ZMAT4: variants seen among roughly 807,000 people sequenced by gnomAD.
ZMAT4 encodes the protein zinc finger matrin-type 4, also known as zinc finger matrin-type protein 4.
A neutral mutation model predicts 28.7 loss-of-function variants in ZMAT4; 17 were observed. That is an observed-to-expected ratio of 0.59 (90% CI 0.41 to 0.89). The LOEUF (loss-of-function observed/expected upper bound fraction) is 0.89, where lower values mean the gene tolerates loss of function less well. ZMAT4 is among the 40% of genes least tolerant of loss of function. ZMAT4 has a pLI of 0.00. For synonymous variants in ZMAT4, 117 were observed against 109.2 expected, an observed-to-expected ratio of 1.07 and a Z score of -0.44; for missense variants, 240 against 283.8, an observed-to-expected ratio of 0.85 and a Z score of 1.11.
At chr8:40,590,715 G>A (rs1804864360) in intron 5 of ZMAT4, among the ~76,000 whole-genome samples, 1 of 150,968 alleles carries the variant, frequency 6.6e-6, no homozygotes, top group Admixed American at 6.6e-5. Context: ...CAGTATAAGT[G>A]TGTGTGTGTG....
At chr8:40,640,957 C>CAAAA (rs557407610) in intron 5 of ZMAT4, among the ~76,000 whole-genome samples, 1 of 74,894 alleles carries the variant, frequency 1.3e-5, no homozygotes, top group Non-Finnish European at 2.8e-5. Context: ...GACTCCATCT[C>CAAAA]AAAAAAAAAA....
At chr8:40,775,076 GT>G (rs1182395550) in intron 2 of ZMAT4, among the ~76,000 whole-genome samples, 1 of 152,192 alleles carries the variant, frequency 6.6e-6, no homozygotes, top group African/African-American at 2.4e-5. Flanking sequence ...TGGTTTCACT[GT>G]TGTATCCCCA....
At chr8:40,654,533 T>G (rs1043376487) in intron 5 of ZMAT4, among the ~76,000 whole-genome samples, 28 of 152,138 alleles carry the variant, frequency 1.8e-4, no homozygotes, top group African/African-American at 6.5e-4. Flanking sequence ...AGACCAACAT[T>G]TCTAATAAAA....
chr8:40,611,924 A>T (rs1380607350), intron 5 of ZMAT4, among the ~76,000 whole-genome samples: 1 of 152,240 alleles, frequency 6.6e-6, no homozygotes, highest in African/African-American at 2.4e-5. Context: ...TGGAAACTAC[A>T]GAACTCATTT....
chr8:40,708,930 TA>T, intron 3 of ZMAT4, among the ~76,000 whole-genome samples: 1 of 151,984 alleles, frequency 6.6e-6, no homozygotes, highest in Non-Finnish European at 1.5e-5. Context: ...ATTACAGGCA[TA>T]ATCCCAGCAA....
At chr8:40,570,757 T>G (rs905676713) in intron 6 of ZMAT4, among the ~76,000 whole-genome samples, 43 of 76,628 alleles carry the variant, frequency 5.6e-4, no homozygotes, top group African/African-American at 1.9e-3. Flanking sequence ...CAAAAAAACC[T>G]TGTGAAGTTT....
intron 6 of ZMAT4, among the ~76,000 whole-genome samples, chr8:40,569,162 T>TGGG (rs771206444): frequency 2.6e-5 from 4 of 152,154 alleles, no homozygotes; most frequent in Non-Finnish European, 4.4e-5. Flanking sequence ...CAAAATGAGC[T>TGGG]CTTATCCTCC....
At chr8:40,759,833 C>G (rs1812853193) in intron 3 of ZMAT4, among the ~76,000 whole-genome samples, 1 of 152,192 alleles carries the variant, frequency 6.6e-6, no homozygotes, top group South Asian at 2.1e-4. Context: ...CTGCAAAGAC[C>G]AACCTTTCCC....
intron 6 of ZMAT4, among the ~76,000 whole-genome samples, chr8:40,534,005 C>T (rs1802772077): frequency 1.3e-5 from 2 of 151,902 alleles, no homozygotes; most frequent in Non-Finnish European, 2.9e-5. Context: ...CTTCACGTAA[C>T]AGTAAGAAGA....
chr8:40,869,436 TA>T (rs1383429657), intron 1 of ZMAT4, among the ~76,000 whole-genome samples: 15 of 152,228 alleles, frequency 9.9e-5, no homozygotes, highest in Admixed American at 2.0e-4. Context: ...CGGACAGATC[TA>T]GACTAAAACC....
chr8:40,788,051 A>G (rs1307964168), intron 2 of ZMAT4, among the ~76,000 whole-genome samples: 2 of 152,202 alleles, frequency 1.3e-5, no homozygotes, highest in African/African-American at 2.4e-5. Context: ...GAGAAAATCA[A>G]TGAAAGCAAA....
chr8:40,801,352 A>AAAAAATATATATATATATATATG (rs774919666), intron 2 of ZMAT4, among the ~76,000 whole-genome samples: 74 of 72,136 alleles, frequency 1.0e-3, no homozygotes, highest in African/African-American at 3.2e-3. Context: ...AAAAAAAAAA[A>AAAAAATATATATATATATATATG]TATATATATA....
intron 1 of ZMAT4, among the ~76,000 whole-genome samples, chr8:40,851,572 C>T (rs906809234): frequency 1.5e-4 from 23 of 152,148 alleles, no homozygotes; most frequent in African/African-American, 5.1e-4. Context: ...ACTCTTTGAA[C>T]TATGCTTGCA....
chr8:40,550,391 A>G (rs1032427675), intron 6 of ZMAT4, among the ~76,000 whole-genome samples: 1 of 152,098 alleles, frequency 6.6e-6, no homozygotes, highest in Non-Finnish European at 1.5e-5. Context: ...TGTTTTCCAT[A>G]ATAAAATTCC....
intron 5 of ZMAT4, among the ~76,000 whole-genome samples, chr8:40,671,672 G>C (rs186137815): frequency 3.3e-5 from 5 of 152,274 alleles, no homozygotes; most frequent in Admixed American, 3.3e-4. Flanking sequence ...GAGGGTTGGA[G>C]TTGACATGGG....
intron 6 of ZMAT4, among the ~76,000 whole-genome samples, chr8:40,557,552 C>G (rs1803586614): frequency 6.6e-6 from 1 of 152,192 alleles, no homozygotes; most frequent in Non-Finnish European, 1.5e-5. Flanking sequence ...TCTGTCCATT[C>G]TTCAACAACT....
At chr8:40,891,257 G>GGGGGGGGAGGGGGAAGGGGGA (rs1818669244) in intron 1 of ZMAT4, among the ~76,000 whole-genome samples, 1 of 93,818 alleles carries the variant, frequency 1.1e-5, no homozygotes, top group African/African-American at 3.8e-5. Context: ...GGGGAAGGGG[G>GGGGGGGGAGGGGGAAGGGGGA]AGGGGGGAGG....
chr8:40,848,384 A>G (rs1259061872), intron 1 of ZMAT4, among the ~76,000 whole-genome samples: 3 of 152,204 alleles, frequency 2.0e-5, no homozygotes, highest in Non-Finnish European at 4.4e-5. Flanking sequence ...AAATGTTTGA[A>G]TTAAGGATTC....
intron 2 of ZMAT4, among the ~76,000 whole-genome samples, chr8:40,820,137 CAT>C (rs1491589339): frequency 7.5e-5 from 7 of 93,390 alleles, no homozygotes; most frequent in Admixed American, 5.2e-4. Context: ...ATGGACTTTC[CAT>C]GTGTGTGTAT....
Sources: gnomAD v4.1 joint callset for allele counts (sites outside exome capture counted in the v4.1 genomes callset) on GRCh38, gnomAD v4.1.1 for gene constraint, MANE v1.5 for transcripts, NCBI Gene and HGNC (gene_info 2026-07-23, HGNC 2026-07-21) for gene names.